The following KLRC1 variants were observed in gnomAD, a reference collection of about 807,000 sequenced individuals.
KLRC1 encodes killer cell lectin like receptor C1.
Under a neutral mutation model 25.9 loss-of-function variants are expected in KLRC1, and 22 were observed. The ratio of observed to expected loss-of-function variants is 0.85; its 90% CI spans 0.61 to 1.21. KLRC1 has a LOEUF of 1.21. Ranked by LOEUF, KLRC1 falls within the 50% of genes most tolerant of loss-of-function variation. The pLI is 0.00. For missense variants in KLRC1, 240 were observed against 272.2 expected (o/e 0.88, Z 0.83); for synonymous variants, 77 against 93.1 (o/e 0.83, Z 0.99).
At chr12:10,451,382 G>A (rs1463127030) in intron 1 of KLRC1, 195 bp from the exon 2 acceptor site, 1 of 331,572 alleles carries the variant, frequency 3.0e-6, no homozygotes, top group African/African-American at 2.1e-5. Flanking sequence ...TTTAGGCCGG[G>A]CGCGGTGGCT....
At chr12:10,447,783 T>G in intron 5 of KLRC1, 151 bp from the exon 6 acceptor site, 1 of 632,954 alleles carries the variant, frequency 1.6e-6, no homozygotes, top group Non-Finnish European at 2.7e-6. Context: ...ATGTTTATAC[T>G]TAGTACTTTT....
intron 1 of KLRC1, among the ~76,000 whole-genome samples, chr12:10,452,165 T>A (rs1236122763): frequency 1.3e-5 from 2 of 152,158 alleles, no homozygotes; most frequent in African/African-American, 2.4e-5. Flanking sequence ...GAAGTATTGG[T>A]AATTTAATTA....
chr12:10,452,915 C>T lies in KLRC1; in HGVS notation c.-32+283G>A, dbSNP rs547859398. On this transcript the variant is annotated intron_variant, in intron 1 of 6. Transcript: ENST00000359151. ...TACATGATGTACTGATTACAAAATA[C>T]AAAATTAATTGTTCATTATTGTGAT... is the stretch of plus-strand genomic sequence containing the variant. Among the ~76,000 whole-genome samples the T allele has an allele frequency of 1.5e-4, 23 of 152,078 alleles. No individual in the cohort carries two copies. The South Asian group carries it at 4.8e-3, about 32-fold the overall frequency.
downstream of KLRC1, among the ~76,000 whole-genome samples, chr12:10,443,567 T>A (rs1326594338): frequency 3.5e-5 from 5 of 141,840 alleles, 1 homozygote; most frequent in Admixed American, 1.4e-4. Context: ...CAATCATAAA[T>A]GGGATTTTAA....
At chr12:10,447,157 C>G (rs550137410) in intron 6 of KLRC1, 1 of 200,966 alleles carries the variant, frequency 5.0e-6, no homozygotes, top group East Asian at 1.2e-4. Flanking sequence ...TGACCCAGGA[C>G]AGCTTCAAAT....
chr12:10,446,817 A>T (rs1473521028), intron 6 of KLRC1, among the ~76,000 whole-genome samples, 155 bp from the exon 7 acceptor site: 2 of 152,230 alleles, frequency 1.3e-5, no homozygotes, highest in African/African-American at 4.8e-5. Flanking sequence ...AACACTCAAC[A>T]GAGTAGTCCC....
chr12:10,444,847 G>C (rs931960277), downstream of KLRC1, among the ~76,000 whole-genome samples: 6 of 151,008 alleles, frequency 4.0e-5, no homozygotes, highest in African/African-American at 1.5e-4. Flanking sequence ...ATAAAAACAT[G>C]GTCAAATATC....
chr12:10,450,173 T>C (rs1231470856), intron 3 of KLRC1: 7 of 450,294 alleles, frequency 1.6e-5, no homozygotes, highest in Non-Finnish European at 2.7e-5. Flanking sequence ...CCATCTCATA[T>C]AGTTCTTATA....
chr12:10,449,369 A>T lies in KLRC1; in HGVS notation c.357T>A (p.Cys119Ter). ...TGGAATATGTAATCCACTCCTCAGGACAATGGCCACAATGACGTGCTAAAT... is the reference window on the plus strand; with the variant it reads ...TGGAATATGTAATCCACTCCTCAGGTCAATGGCCACAATGACGTGCTAAAT... ...RTQKARHCGH[C>*]PEEWITYSNS... Residue 119 changes from cysteine (C) to a stop codon, truncating the protein, a stop_gained, in exon 5 of 7, where the codon TGT (cysteine) becomes TGA (stop). Coordinates refer to ENST00000359151, the MANE Select transcript of KLRC1 (RefSeq NM_002259.5). LOFTEE classifies it high-confidence loss of function. 6.2e-7 allele frequency: 1 copy of T among 1,613,600 alleles called. No individual in the cohort carries two copies.
At position 10,450,470 on chromosome 12, in the gene KLRC1, GAAA is replaced by G. The variant is rs1864099125; in HGVS notation, c.283+11_283+13del. The G allele has an allele frequency of 6.8e-7, 1 of 1,468,714 alleles. No homozygotes were observed. Among genetic ancestry groups the G allele is most frequent in the South Asian group, 1.2e-5 (1 of 85,592 alleles). 91.0% of individuals were successfully genotyped at this position (1,468,714 alleles called of 1,614,324 possible). A position where few individuals can be genotyped will look rare whatever the true frequency, so the allele number is the denominator to read the frequency against. On this transcript the variant is annotated intron_variant, in intron 3 of 6. Transcript: ENST00000359151. ...CGTGAAAATTCCCCTTGTAATCTTC[GAAA>G]ATAGACTTACAGGGAATAACAACTA... is the stretch of plus-strand genomic sequence containing the variant.
chr12:10,448,908 G>C (rs907496550), intron 5 of KLRC1, among the ~76,000 whole-genome samples: 1 of 152,140 alleles, frequency 6.6e-6, no homozygotes, highest in African/African-American at 2.4e-5. Context: ...TTCATGATCT[G>C]ACTTGTATCA....
At position 10,453,217 on chromosome 12, in the gene KLRC1, A is replaced by G; in HGVS notation, c.-51T>C. The G allele has an allele frequency of 1.0e-6, 1 of 985,354 alleles. No homozygotes were observed. Among genetic ancestry groups the G allele is most frequent in the Non-Finnish European group, 1.2e-6 (1 of 829,860 alleles). 61.0% of individuals were successfully genotyped at this position (985,354 alleles called of 1,614,324 possible). ...ACATACCTTCTGTCCCCAGAAAGTC[A>G]CACATCCTTTAGTGGAGAGGCCAGG... On this transcript the variant is annotated 5_prime_UTR_variant, in exon 1 of 7. Coordinates refer to ENST00000359151, the MANE Select transcript of KLRC1 (RefSeq NM_002259.5).
chr12:10,443,329 T>C (rs1863935657), downstream of KLRC1, among the ~76,000 whole-genome samples: 1 of 140,242 alleles, frequency 7.1e-6, no homozygotes, highest in Non-Finnish European at 1.6e-5. Flanking sequence ...CAAGGAAAGA[T>C]GAGGATAAAA....
rs7300588 is a variant in KLRC1 at position 10,446,771 on chromosome 12, A to C, written c.591-109T>G. ...AATAATTTCATGGAAAAGGGTAATT[A>C]AATTTTTCATAATATTAGTAAGAGT... On this transcript the variant is annotated intron_variant, in intron 6 of 6. Transcript: ENST00000359151. 5.4e-3 allele frequency: 7,202 copies of C among 1,331,672 alleles called. 332 individuals carry two copies. The African/African-American group carries it at 0.096, about 18-fold the overall frequency. 82.5% of individuals were successfully genotyped at this position (1,331,672 alleles called of 1,614,324 possible).
At chr12:10,449,178 A>C in intron 5 of KLRC1, 59 bp downstream of exon 5, 1 of 1,605,114 alleles carries the variant, frequency 6.2e-7, no homozygotes, top group Non-Finnish European at 8.5e-7. Flanking sequence ...TGATTTCTAC[A>C]AATATATTAT....
intron 5 of KLRC1, among the ~76,000 whole-genome samples, chr12:10,448,242 C>A (rs1864035354): frequency 1.3e-5 from 2 of 152,118 alleles, no homozygotes; most frequent in South Asian, 4.1e-4. Context: ...TTGTCTGGGA[C>A]CCTAGCATCA....
chr12:10,451,093 G>A lies in KLRC1; in HGVS notation c.64C>T (p.Arg22Ter). Residue 22 changes from arginine (R) to a stop codon, truncating the protein, a stop_gained, in exon 2 of 7, where the codon CGA becomes TGA. Coordinates refer to ENST00000359151, the MANE Select transcript of KLRC1 (RefSeq NM_002259.5). LOFTEE classifies it high-confidence loss of function. ...NLPPNPKRQQ[R>*]KPKGNKNSIL... ...GAGTTTTTATTGCCTTTAGGTTTTC[G>A]TTGCTGCCTCTTTGGGTTTGGGGGC... 1.9e-6 allele frequency: 3 copies of A among 1,613,954 alleles called. No individual in the cohort carries two copies. Among genetic ancestry groups the A allele is most frequent in the East Asian group, 2.2e-5 (1 of 44,872 alleles).
At position 10,447,443 on chromosome 12, in the gene KLRC1, T is replaced by A. The variant is rs35697667; in HGVS notation, c.590+89A>T. 1.2e-5 allele frequency: 14 copies of A among 1,151,866 alleles called. No individual in the cohort carries two copies. The African/African-American group carries it at 1.6e-4, about 13-fold the overall frequency. 71.4% of individuals were successfully genotyped at this position (1,151,866 alleles called of 1,614,324 possible). A position where few individuals can be genotyped will look rare whatever the true frequency, so the allele number is the denominator to read the frequency against. ...AACTTTCCACATCTTTCTTCATCTC[T>A]ATGATTCCACATAGATTTATTCATA... On this transcript the variant is annotated intron_variant, in intron 6 of 6. Transcript: ENST00000359151.
chr12:10,445,606 A>G (rs1274085246), downstream of KLRC1, among the ~76,000 whole-genome samples: 1 of 152,214 alleles, frequency 6.6e-6, no homozygotes, highest in Non-Finnish European at 1.5e-5. Context: ...AAACTACGTT[A>G]TAGCATATAG....
Sources: gnomAD v4.1 joint callset for allele counts (sites outside exome capture counted in the v4.1 genomes callset) on GRCh38, gnomAD v4.1.1 for gene constraint, MANE v1.5 for transcripts, NCBI Gene and HGNC (gene_info 2026-07-23, HGNC 2026-07-21) for gene names.